The following WRN variants were observed in gnomAD, a reference collection of about 807,000 sequenced individuals.
WRN encodes WRN RecQ like helicase, also known as bifunctional 3'-5' exonuclease/ATP-dependent helicase WRN.
In WRN, 149 loss-of-function variants were observed where a neutral mutation model predicts 180.7. That is an observed-to-expected ratio of 0.82 (90% confidence interval 0.72 to 0.94). The LOEUF (loss-of-function observed/expected upper bound fraction) is 0.94. Among genes scored for constraint, WRN ranks in the 40% least tolerant of loss-of-function variants. WRN has a pLI of 0.00. For synonymous variants in WRN, 548 were observed against 568.9 expected (o/e 0.96, Z 0.52); for missense variants, 1,661 against 1,700.1 (o/e 0.98, Z 0.40).
chr8:31,120,485 C>G, intron 21 of WRN, 61 bp downstream of exon 21: 2 of 1,510,378 alleles, frequency 1.3e-6, no homozygotes, highest in Non-Finnish European at 1.8e-6. Context: ...ATATAAACCT[C>G]AAAAGTGTTT....
chr8:31,154,474 CT>C (rs1803291072), intron 31 of WRN, 149 bp from the exon 32 acceptor site: 1 of 907,426 alleles, frequency 1.1e-6, no homozygotes. Context: ...AAAAATCCAA[CT>C]TCTTTTTGAG....
intron 5 of WRN, 145 bp from the exon 6 acceptor site, chr8:31,066,888 A>G: frequency 1.1e-6 from 1 of 907,124 alleles, no homozygotes; most frequent in Non-Finnish European, 1.7e-6. Flanking sequence ...GCTTTTAGTG[A>G]CAGGGAATTT....
At chr8:31,095,210 C>T (rs1421396264) in intron 16 of WRN, among the ~76,000 whole-genome samples, 1 of 152,158 alleles carries the variant, frequency 6.6e-6, no homozygotes, top group East Asian at 1.9e-4. Context: ...ATTTTTCATA[C>T]ACTTATTGGC....
At chr8:31,087,682 T>G in intron 11 of WRN, 94 bp from the exon 12 acceptor site, 1 of 1,329,448 alleles carries the variant, frequency 7.5e-7, no homozygotes, top group Non-Finnish European at 1.1e-6. Flanking sequence ...TCGACAAAAT[T>G]GTAGGCCCTG....
intron 32 of WRN, among the ~76,000 whole-genome samples, chr8:31,155,491 G>T (rs182856540): frequency 1.3e-5 from 2 of 151,896 alleles, no homozygotes; most frequent in Non-Finnish European, 2.9e-5. Flanking sequence ...GCGTAGTGAC[G>T]CATGCCTGTA....
Position 31,141,607 on chromosome 8 carries a change from G to A in WRN, c.3138+7G>A, listed in dbSNP as rs2737335. On this transcript the variant is annotated splice_region_variant and intron_variant, in intron 25 of 34. Coordinates refer to ENST00000298139, the MANE Select transcript of WRN (RefSeq NM_000553.6). ...TTGCGCCCTTACGAAAAAGGTAAAC[G>A]GTGTAGGAGTCTGCCTGTTTGACTT... The A allele has an allele frequency of 0.45, 724,603 of 1,613,658 alleles. 165,330 individuals are homozygous for A. The highest frequency in any genetic ancestry group is 0.61 in the East Asian group (27,224 of 44,840).
intron 3 of WRN, among the ~76,000 whole-genome samples, chr8:31,061,030 C>A (rs1433884147): frequency 6.6e-6 from 1 of 152,132 alleles, no homozygotes; most frequent in South Asian, 2.1e-4. Context: ...TGAAAAATGT[C>A]TTCAGATCCT....
rs1804200972 is a variant in WRN at position 31,174,290 on chromosome 8, T to C, written c.*1188T>C. On this transcript the variant is annotated 3_prime_UTR_variant, in exon 35 of 35. Transcript: ENST00000298139. ...CATCTGCAATACCCTGTGAATATCC[T>C]GTGTGATGGAGTGGCAAGTACGCAC... 6.6e-6 allele frequency among the ~76,000 whole-genome samples: 1 copy of C among 152,238 alleles called. No homozygotes were observed. Among genetic ancestry groups the C allele is most frequent in the African/African-American group, 2.4e-5 (1 of 41,462 alleles).
In WRN at chr8:31,144,263, CG is replaced by C. The variant is rs1478317853; in HGVS notation, c.3383+643del. Among the ~76,000 whole-genome samples the C allele has an allele frequency of 3.3e-5, 5 of 151,620 alleles. No homozygotes were observed. In the East Asian group the frequency reaches 5.8e-4, roughly 18 times the overall value. ...CATTCACCATTTCTCTCCCTCTCCT[CG>C]GGTCTCCCTGTTCCCTGAGATACAA... On this transcript the variant is annotated intron_variant, in intron 28 of 34. Coordinates refer to ENST00000298139, the MANE Select transcript of WRN (RefSeq NM_000553.6).
intron 18 of WRN, among the ~76,000 whole-genome samples, chr8:31,108,641 T>TA (rs922669467): frequency 1.3e-4 from 19 of 146,310 alleles, no homozygotes; most frequent in South Asian, 2.2e-4. Flanking sequence ...ATATCATTGC[T>TA]AAAAAAAAAA....
intron 8 of WRN, 45 bp downstream of exon 8, chr8:31,076,332 T>A: frequency 6.7e-7 from 1 of 1,488,388 alleles, no homozygotes; most frequent in Non-Finnish European, 9.3e-7. Flanking sequence ...CAATTCTGTT[T>A]ATTTTTTTAT....
intron 31 of WRN, among the ~76,000 whole-genome samples, chr8:31,150,961 C>T (rs1803100533): frequency 6.6e-6 from 1 of 152,124 alleles, no homozygotes; most frequent in Non-Finnish European, 1.5e-5. Context: ...TTGTTCTGCC[C>T]TAAGTGACCA....
chr8:31,115,822 A>G (rs559306135), intron 19 of WRN, among the ~76,000 whole-genome samples: 5 of 152,348 alleles, frequency 3.3e-5, no homozygotes, highest in South Asian at 2.1e-4. Context: ...GATGTTTTCT[A>G]TAACATTCAG....
intron 1 of WRN, among the ~76,000 whole-genome samples, chr8:31,035,296 G>A (rs1442370049): frequency 6.6e-6 from 1 of 152,086 alleles, no homozygotes. Flanking sequence ...TTGTGGGTGG[G>A]GGGCTGTAGG....
chr8:31,101,071 T>TA, intron 18 of WRN, 116 bp downstream of exon 18: 1 of 819,622 alleles, frequency 1.2e-6, no homozygotes. Flanking sequence ...ATGGATAATG[T>TA]AAAAAGAGAA....
intron 33 of WRN, among the ~76,000 whole-genome samples, chr8:31,164,296 G>A (rs1803763101): frequency 1.3e-5 from 2 of 152,102 alleles, no homozygotes; most frequent in Non-Finnish European, 2.9e-5. Context: ...CAAGGAATGA[G>A]GATATACATA....
chr8:31,124,792 A>G, intron 22 of WRN, 116 bp from the exon 23 acceptor site: 2 of 1,240,218 alleles, frequency 1.6e-6, no homozygotes, highest in Non-Finnish European at 2.3e-6. Context: ...ACTGAAGTCA[A>G]ATAATGAAGT....
At chr8:31,157,619 T>G in intron 33 of WRN, 89 bp downstream of exon 33, 10 of 1,466,742 alleles carry the variant, frequency 6.8e-6, no homozygotes, top group African/African-American at 1.4e-5. Context: ...ACAGCATTAA[T>G]CCTTTATGCT....
chr8:31,127,870 C>T (rs573566188), intron 23 of WRN, among the ~76,000 whole-genome samples: 1 of 152,188 alleles, frequency 6.6e-6, no homozygotes, highest in South Asian at 2.1e-4. Flanking sequence ...ACTGCAGTTG[C>T]AGTGAGCCAT....
Sources: allele counts gnomAD v4.1 joint callset (sites outside exome capture counted in the v4.1 genomes callset), GRCh38; gene constraint gnomAD v4.1.1; transcripts MANE v1.5; gene names NCBI Gene and HGNC (gene_info 2026-07-23, HGNC 2026-07-21).